Variants in POMP observed in about 807,000 individuals in gnomAD.
The protein encoded by POMP is 2510048O06Rik.
POMP carries 12 observed loss-of-function variants against 20.6 expected under a neutral mutation model. The observed-to-expected ratio is 0.58, with a 90% CI of 0.37 to 0.94. The LOEUF (loss-of-function observed/expected upper bound fraction) is 0.94. POMP is among the 40% of genes least tolerant of loss of function. The probability of loss-of-function intolerance (pLI) is 0.01; values close to 1 mark genes in which losing one functional copy is unlikely to be tolerated. For synonymous variants in POMP, 53 were observed against 55.0 expected, an observed-to-expected ratio of 0.96 and a Z score of 0.16; for missense variants, 136 against 161.1, an observed-to-expected ratio of 0.84 and a Z score of 0.84.
chr13:28,665,627 G>A (rs1884430305), intron 3 of POMP, among the ~76,000 whole-genome samples: 2 of 152,224 alleles, frequency 1.3e-5, no homozygotes, highest in African/African-American at 4.8e-5. Context: ...AAGATTGTCT[G>A]TGGTAACATT....
Position 28,672,017 on chromosome 13 carries a change from G to A in POMP, c.265-322G>A, listed in dbSNP as rs572446360. On this transcript the variant is annotated intron_variant, in intron 4 of 5. Transcript: ENST00000380842. ...GAATTTGATCATCCTACATGTATCA[G>A]GAATGAGGCGTGATGTTAAGCTCTG... is the stretch of plus-strand genomic sequence containing the variant. Among the ~76,000 whole-genome samples the A allele has an allele frequency of 3.3e-5, 5 of 152,258 alleles. No homozygotes were observed. In the South Asian group the frequency reaches 1.0e-3, roughly 32 times the overall value.
chr13:28,659,586 G>C (rs1299477063), intron 1 of POMP, among the ~76,000 whole-genome samples: 1 of 152,096 alleles, frequency 6.6e-6, no homozygotes, highest in Non-Finnish European at 1.5e-5. Flanking sequence ...AGAGCTCTCA[G>C]ACTCCTCATC....
chr13:28,678,168 A>ATGTTG lies in POMP; in HGVS notation c.*69_*70insTGTGT. On this transcript the variant is annotated 3_prime_UTR_variant, in exon 6 of 6. Coordinates refer to ENST00000380842, the MANE Select transcript of POMP (RefSeq NM_015932.6). ...ATAGTCATCTTTGTACTGTAATTTGATGTACACAACATTAAAAGTACTGAC... is the reference window on the plus strand; with the variant it reads ...ATAGTCATCTTTGTACTGTAATTTGATGTTGTGTACACAACATTAAAAGTACTGAC... The ATGTTG allele has an allele frequency of 6.9e-7, 1 of 1,450,212 alleles. No homozygotes were observed. The highest frequency in any genetic ancestry group is 9.7e-7 in the Non-Finnish European group (1 of 1,031,688). The allele number at this position is 1,450,212 out of a possible 1,614,324, so 89.8% of individuals were successfully genotyped here. A position where few individuals can be genotyped will look rare whatever the true frequency, so the allele number is the denominator to read the frequency against.
At chr13:28,661,120 T>G (rs1884332733) in intron 1 of POMP, among the ~76,000 whole-genome samples, 1 of 152,228 alleles carries the variant, frequency 6.6e-6, no homozygotes, top group African/African-American at 2.4e-5. Context: ...GTTTTACATT[T>G]TTCTGCAGAA....
intron 1 of POMP, among the ~76,000 whole-genome samples, chr13:28,660,736 G>C (rs1792103): frequency 0.044 from 6,758 of 152,226 alleles, 501 homozygotes; most frequent in African/African-American, 0.15. Context: ...TTGTATGTAG[G>C]GGAGTTGGAA....
chr13:28,663,815 G>T (rs931430348), intron 2 of POMP, among the ~76,000 whole-genome samples: 3 of 150,796 alleles, frequency 2.0e-5, no homozygotes, highest in African/African-American at 7.5e-5. Flanking sequence ...CACATGAAAT[G>T]TTCCTTCTTC....
intron 4 of POMP, among the ~76,000 whole-genome samples, chr13:28,670,327 G>A (rs904974078): frequency 2.0e-5 from 3 of 152,002 alleles, no homozygotes; most frequent in Non-Finnish European, 4.4e-5. Flanking sequence ...ATTAGCCTTG[G>A]TTATGTCACC....
At chr13:28,673,755 C>T (rs1239190705) in intron 5 of POMP, among the ~76,000 whole-genome samples, 3 of 152,146 alleles carry the variant, frequency 2.0e-5, no homozygotes, top group Non-Finnish European at 4.4e-5. Flanking sequence ...GTTACAAAAG[C>T]ATTCATTTAA....
At chr13:28,670,240 T>C (rs569531894) in intron 4 of POMP, among the ~76,000 whole-genome samples, 1 of 152,304 alleles carries the variant, frequency 6.6e-6, no homozygotes, top group Non-Finnish European at 1.5e-5. Context: ...AAGTACAGAA[T>C]AACTCATAAT....
chr13:28,662,332 CAA>C (rs2137789861), intron 1 of POMP, 76 bp from the exon 2 acceptor site: 2 of 1,087,656 alleles, frequency 1.8e-6, no homozygotes, highest in South Asian at 1.3e-5. Flanking sequence ...CCTACTTAAA[CAA>C]TATTTTTGAC....
At position 28,668,366 on chromosome 13, in the gene POMP, G is replaced by T. The variant is rs1593173585; in HGVS notation, c.163-107G>T. ...ATACTTAGTTTTTATTACAGGTATGGATATTAAAATTCTTCATCTAACTAT... is the reference window on the plus strand; with the variant it reads ...ATACTTAGTTTTTATTACAGGTATGTATATTAAAATTCTTCATCTAACTAT... On this transcript the variant is annotated intron_variant, in intron 3 of 5. Transcript: ENST00000380842. 6.4e-6 allele frequency: 5 copies of T among 780,580 alleles called. No individual in the cohort carries two copies. The East Asian group carries it at 1.1e-4, about 17-fold the overall frequency. The allele number at this position is 780,580 out of a possible 1,614,324, so 48.4% of individuals were successfully genotyped here.
At chr13:28,660,064 T>C (rs1431129724) in intron 1 of POMP, 2 of 151,524 alleles carry the variant, frequency 1.3e-5, no homozygotes, top group Non-Finnish European at 2.9e-5. Context: ...CAGAAGGAAA[T>C]TGGGAAAAAT....
In POMP at chr13:28,673,021, A is replaced by G. The variant is rs904559996; in HGVS notation, c.358+589A>G. Among the ~76,000 whole-genome samples the G allele has an allele frequency of 3.0e-4, 46 of 152,040 alleles. 1 individual carries two copies. The highest frequency in any genetic ancestry group is 1.1e-3 in the African/African-American group (45 of 41,468). Reference sequence around the variant, plus strand: ...TTCTTTAAAAAGTAGCTCCCCAAAAAAGTAATTTTTGTACTTCTACAGGTG... The same window carrying G: ...TTCTTTAAAAAGTAGCTCCCCAAAAGAGTAATTTTTGTACTTCTACAGGTG... On this transcript the variant is annotated intron_variant, in intron 5 of 5. Transcript: ENST00000380842.
At chr13:28,676,627 C>G (rs978081112) in intron 5 of POMP, among the ~76,000 whole-genome samples, 1 of 152,098 alleles carries the variant, frequency 6.6e-6, no homozygotes, top group Non-Finnish European at 1.5e-5. Context: ...GCTTGTTAAT[C>G]TAAATACTGT....
At chr13:28,666,014 C>T (rs572571986) in intron 3 of POMP, among the ~76,000 whole-genome samples, 34 of 152,112 alleles carry the variant, frequency 2.2e-4, no homozygotes, top group African/African-American at 8.2e-4. Context: ...GACTTGTGGG[C>T]AACCAAAGAA....
chr13:28,675,143 A>ACTTTT (rs1555257279), intron 5 of POMP, among the ~76,000 whole-genome samples: 6,022 of 150,476 alleles, frequency 0.04, 418 homozygotes, highest in African/African-American at 0.14. Flanking sequence ...GTTTAGGTAG[A>ACTTTT]TTTTTTTTGT....
chr13:28,672,457 A>C, intron 5 of POMP, 25 bp downstream of exon 5: 1 of 1,512,294 alleles, frequency 6.6e-7, no homozygotes, highest in Non-Finnish European at 9.2e-7. Flanking sequence ...GCACCTTTTT[A>C]TGGAGCCCTT....
intron 4 of POMP, among the ~76,000 whole-genome samples, chr13:28,671,740 A>T (rs534635274): frequency 1.3e-5 from 2 of 151,708 alleles, no homozygotes; most frequent in South Asian, 4.2e-4. Flanking sequence ...TTTAGTCTGG[A>T]TACATTTTGT....
Position 28,662,437 on chromosome 13 carries a change from A to C in POMP, c.31A>C (p.Lys11Gln). 6.2e-7 allele frequency: 1 copy of C among 1,613,854 alleles called. No homozygotes were observed. The highest frequency in any genetic ancestry group is 8.5e-7 in the Non-Finnish European group (1 of 1,179,790). ...TGCCAGAGGACTTGGATCTGAGCTA[A>C]AGGACAGTATTCCAGTTACTGAACT... MNARGLGSEL[K>Q]DSIPVTELSA... Residue 11 changes from lysine (K) to glutamine (Q), a missense_variant, in exon 2 of 6, where the codon AAG (lysine) becomes CAG (glutamine). Transcript: ENST00000380842.
Sources: gnomAD v4.1 joint callset for allele counts (sites outside exome capture counted in the v4.1 genomes callset) on GRCh38, gnomAD v4.1.1 for gene constraint, MANE v1.5 for transcripts, NCBI Gene and HGNC (gene_info 2026-07-23, HGNC 2026-07-21) for gene names.